Variants in RNASET2 observed in about 807,000 individuals in gnomAD.
RNASET2 encodes the protein ribonuclease T2.
In RNASET2, 28 loss-of-function variants were observed where a neutral mutation model predicts 33.9. The observed-to-expected ratio is 0.83, with a 90% CI of 0.61 to 1.13. RNASET2 has a LOEUF of 1.13. Ranked by LOEUF, RNASET2 falls within the 50% of genes most tolerant of loss-of-function variation. The pLI is 0.00. For missense variants in RNASET2, 330 were observed against 319.9 expected (o/e 1.03, Z -0.24); for synonymous variants, 123 against 121.0 (o/e 1.02, Z -0.11).
At chr6:166,936,757 G>A (rs1488359877) in intron 6 of RNASET2, among the ~76,000 whole-genome samples, 2 of 152,198 alleles carry the variant, frequency 1.3e-5, no homozygotes, top group Admixed American at 1.3e-4. Context: ...GAGATTTGGT[G>A]GGGATAAACC....
intron 6 of RNASET2, 29 bp downstream of exon 6, chr6:166,938,866 A>G (rs1034647438): frequency 1.3e-6 from 2 of 1,497,234 alleles, no homozygotes; most frequent in Non-Finnish European, 1.9e-6. Flanking sequence ...CCCCACTGGG[A>G]AGTGCAGCCG....
rs1778330009 is a variant in RNASET2 at position 166,927,745 on chromosome 6, A to ATCATT, written c.*1838_*1842dup. On this transcript the variant is annotated 3_prime_UTR_variant, in exon 9 of 9. Transcript: ENST00000508775. ...AAAAAAAAAAAAAAAAAGAATTGAC[A>ATCATT]TCATTTAAAGGACTCTGAGGCTTAA... Among the ~76,000 whole-genome samples the ATCATT allele has an allele frequency of 6.7e-6, 1 of 148,474 alleles. No individual in the cohort carries two copies. Among genetic ancestry groups the ATCATT allele is most frequent in the Admixed American group, 6.7e-5 (1 of 14,964 alleles).
At position 166,955,203 on chromosome 6, in the gene RNASET2, A is replaced by ACGCACG. The variant is rs1335626909; in HGVS notation, c.86+893_86+894insCGTGCG. ...CACACACACACGCACACACGCACGC[A>ACGCACG]CACACGCACGCACACACGCGCACAC... On this transcript the variant is annotated intron_variant, in intron 1 of 8. Coordinates refer to ENST00000508775, the MANE Select transcript of RNASET2 (RefSeq NM_003730.6). Among the ~76,000 whole-genome samples, 4 of 120,718 alleles carry ACGCACG rather than the reference A, an allele frequency of 3.3e-5. 1 individual carries two copies. Among genetic ancestry groups the ACGCACG allele is most frequent in the African/African-American group, 1.2e-4 (3 of 25,082 alleles). The allele number at this position is 120,718 out of a possible 152,430, so 79.2% of individuals were successfully genotyped here. A position where few individuals can be genotyped will look rare whatever the true frequency, so the allele number is the denominator to read the frequency against.
intron 5 of RNASET2, among the ~76,000 whole-genome samples, chr6:166,940,509 T>C (rs990381450): frequency 6.6e-6 from 1 of 152,168 alleles, no homozygotes; most frequent in East Asian, 1.9e-4. Context: ...TTAAACTAAT[T>C]GAAATGTAAC....
intron 2 of RNASET2, among the ~76,000 whole-genome samples, chr6:166,950,180 A>G (rs544948852): frequency 6.6e-6 from 1 of 152,230 alleles, no homozygotes; most frequent in African/African-American, 2.4e-5. Flanking sequence ...GTGTGGGTCA[A>G]AGACAGTGCT....
In RNASET2 at chr6:166,923,607, T is replaced by C. The variant is rs1056971059; in HGVS notation, c.*5981A>G. ...AAAATAAATGGAAGGCCCATTACAG[T>C]CACTCAGAAAAAAAAAATAGAATTC... On this transcript the variant is annotated 3_prime_UTR_variant, in exon 9 of 9. Transcript: ENST00000508775. 6.6e-6 allele frequency among the ~76,000 whole-genome samples: 1 copy of C among 151,420 alleles called. No individual in the cohort carries two copies. Among genetic ancestry groups the C allele is most frequent in the African/African-American group, 2.4e-5 (1 of 41,106 alleles).
chr6:166,936,176 CA>C (rs1222613559), intron 6 of RNASET2, among the ~76,000 whole-genome samples: 1 of 152,206 alleles, frequency 6.6e-6, no homozygotes, highest in Non-Finnish European at 1.5e-5. Flanking sequence ...TAGGTTTTAG[CA>C]AACATACTCT....
intron 1 of RNASET2, among the ~76,000 whole-genome samples, chr6:166,955,221 G>GCA (rs1160982253): frequency 0.34 from 30,435 of 88,466 alleles, 4,393 homozygotes; most frequent in East Asian, 0.55. Context: ...ACGCACACAC[G>GCA]CGCACACACG....
At chr6:166,948,940 C>T (rs999467166) in intron 2 of RNASET2, among the ~76,000 whole-genome samples, 6 of 152,126 alleles carry the variant, frequency 3.9e-5, no homozygotes, top group East Asian at 3.9e-4. Context: ...ATGGGCCAGG[C>T]GCAGTGACTA....
chr6:166,952,389 C>T (rs369497476), intron 2 of RNASET2, 99 bp downstream of exon 2: 46 of 1,047,100 alleles, frequency 4.4e-5, no homozygotes, highest in Middle Eastern at 2.2e-4. Context: ...GCCTACCTCC[C>T]GCACCAGCAG....
In RNASET2 at chr6:166,951,033, G is replaced by C. The variant is rs571493173; in HGVS notation, c.147+1455C>G. ...GCGGAGACCAGTAGTGGCCCCGAATGCCTGGCTGCACTGTTGTTTATTGGA... is the reference window on the plus strand; with the variant it reads ...GCGGAGACCAGTAGTGGCCCCGAATCCCTGGCTGCACTGTTGTTTATTGGA... On this transcript the variant is annotated intron_variant, in intron 2 of 8. Transcript: ENST00000508775. 3.1e-3 allele frequency among the ~76,000 whole-genome samples: 468 copies of C among 152,248 alleles called. 2 individuals carry two copies. The highest frequency in any genetic ancestry group is 0.011 in the African/African-American group (443 of 41,536).
intron 6 of RNASET2, among the ~76,000 whole-genome samples, chr6:166,936,968 G>A (rs1225610735): frequency 6.6e-6 from 1 of 152,168 alleles, no homozygotes; most frequent in Non-Finnish European, 1.5e-5. Context: ...CCAGCACTCT[G>A]CAGCAGGGTC....
chr6:166,938,633 C>T (rs747913539), intron 6 of RNASET2: 17 of 717,078 alleles, frequency 2.4e-5, no homozygotes, highest in African/African-American at 8.6e-5. Flanking sequence ...TCCCTATGGC[C>T]GACTCTGATG....
chr6:166,935,044 T>C (rs931626160), intron 6 of RNASET2: 1 of 152,288 alleles, frequency 6.6e-6, no homozygotes, highest in South Asian at 2.1e-4. Context: ...GACTTAGACA[T>C]CCTCTGTGGG....
chr6:166,946,416 G>A (rs1014676328), intron 4 of RNASET2, among the ~76,000 whole-genome samples: 2 of 152,228 alleles, frequency 1.3e-5, no homozygotes, highest in African/African-American at 4.8e-5. Context: ...GAGTGTCAGG[G>A]CTTGCTCCGG....
In RNASET2 at chr6:166,929,429, C is replaced by T. The variant is rs1767733439; in HGVS notation, c.*159G>A. On this transcript the variant is annotated 3_prime_UTR_variant, in exon 9 of 9. Transcript: ENST00000508775. ...GAGAGCTCCTTTCTCCCCGTGTACG[C>T]CACATGCACTCACTCTACAGGGACC... 2 of 782,536 alleles carry T rather than the reference C, an allele frequency of 2.6e-6. No homozygotes were observed. Among genetic ancestry groups the T allele is most frequent in the Admixed American group, 3.8e-5 (2 of 53,098 alleles). 48.5% of individuals were successfully genotyped at this position (782,536 alleles called of 1,614,324 possible).
At chr6:166,954,221 T>C (rs904210675) in intron 1 of RNASET2, among the ~76,000 whole-genome samples, 13 of 152,114 alleles carry the variant, frequency 8.5e-5, no homozygotes, top group South Asian at 2.1e-4. Context: ...AGTTAGAACT[T>C]GGGAAAATGC....
chr6:166,955,790 A>C (rs1260422080), intron 1 of RNASET2: 11 of 950,584 alleles, frequency 1.2e-5, no homozygotes, highest in East Asian at 2.6e-4. Context: ...CCCCCAACCC[A>C]CTCCTTCCCA....
At chr6:166,951,010 G>A (rs951263057) in intron 2 of RNASET2, among the ~76,000 whole-genome samples, 6 of 152,100 alleles carry the variant, frequency 3.9e-5, no homozygotes, top group Non-Finnish European at 7.4e-5. Context: ...ACCAAGACGC[G>A]GAGACCAGTA....
Sources: gnomAD v4.1 joint callset for allele counts (sites outside exome capture counted in the v4.1 genomes callset) on GRCh38, gnomAD v4.1.1 for gene constraint, MANE v1.5 for transcripts, NCBI Gene and HGNC (gene_info 2026-07-23, HGNC 2026-07-21) for gene names.